The following COL26A1 variants were observed in gnomAD, a reference collection of about 807,000 sequenced individuals.
COL26A1 encodes collagen type XXVI alpha 1 chain.
A neutral mutation model predicts 59.3 loss-of-function variants in COL26A1; 41 were observed. That is an observed-to-expected ratio of 0.69 (90% CI 0.54 to 0.90). The LOEUF is 0.90. COL26A1 is among the 40% of genes least tolerant of loss of function. The pLI is 0.00. For synonymous variants in COL26A1, 266 were observed against 256.0 expected, an observed-to-expected ratio of 1.04 and a Z score of -0.37; for missense variants, 612 against 602.3, an observed-to-expected ratio of 1.02 and a Z score of -0.17.
intron 1 of COL26A1, among the ~76,000 whole-genome samples, chr7:101,403,629 C>T (rs535951362): frequency 1.2e-4 from 19 of 152,266 alleles, no homozygotes; most frequent in East Asian, 5.8e-4. Context: ...GCTCCTGCCT[C>T]GACCTCTCAA....
intron 1 of COL26A1, among the ~76,000 whole-genome samples, chr7:101,413,923 C>G (rs1792306992): frequency 6.6e-6 from 1 of 152,206 alleles, no homozygotes; most frequent in African/African-American, 2.4e-5. Flanking sequence ...ACTGTTCACC[C>G]ACTGCTGTGC....
intron 1 of COL26A1, among the ~76,000 whole-genome samples, chr7:101,387,608 A>T (rs1489479088): frequency 2.1e-5 from 3 of 143,798 alleles, no homozygotes; most frequent in Non-Finnish European, 4.5e-5. Context: ...GCTGGAGTGC[A>T]GTGTGAAGCA....
chr7:101,375,109 G>A (rs184904818), intron 1 of COL26A1, among the ~76,000 whole-genome samples: 2 of 152,076 alleles, frequency 1.3e-5, no homozygotes, highest in Admixed American at 1.3e-4. Context: ...AGGCTGTGAA[G>A]AGTAGGATCT....
At chr7:101,388,633 A>G (rs886104630) in intron 1 of COL26A1, among the ~76,000 whole-genome samples, 5 of 149,918 alleles carry the variant, frequency 3.3e-5, no homozygotes, top group African/African-American at 1.2e-4. Context: ...GCACGATCTC[A>G]GTTCACTGCA....
At position 101,539,823 on chromosome 7, in the gene COL26A1, C is replaced by T. The variant is rs1307146243; in HGVS notation, c.448-70C>T. 27 of 1,471,988 alleles carry T rather than the reference C, an allele frequency of 1.8e-5. No homozygotes were observed. In the East Asian group the frequency reaches 6.1e-4, roughly 33 times the overall value. The allele number at this position is 1,471,988 out of a possible 1,614,324, so 91.2% of individuals were successfully genotyped here. On this transcript the variant is annotated intron_variant, in intron 4 of 12. Transcript: ENST00000313669. Reference sequence around the variant, plus strand: ...GTCTCATGGGGTGCACATGCATGTCCCTGTGTGTCACGCATGTCCCTATGT... The same window carrying T: ...GTCTCATGGGGTGCACATGCATGTCTCTGTGTGTCACGCATGTCCCTATGT...
chr7:101,473,270 A>G (rs145389269), intron 3 of COL26A1, among the ~76,000 whole-genome samples: 2,091 of 151,240 alleles, frequency 0.014, 26 homozygotes, highest in Non-Finnish European at 0.02. Context: ...TAGTAGAGAC[A>G]GGGTTTCACC....
chr7:101,524,332 T>A (rs1408243492), intron 3 of COL26A1, among the ~76,000 whole-genome samples: 1 of 151,728 alleles, frequency 6.6e-6, no homozygotes, highest in African/African-American at 2.4e-5. Flanking sequence ...GTACTCCCCC[T>A]ACTGCTAAGG....
intron 1 of COL26A1, among the ~76,000 whole-genome samples, chr7:101,380,593 C>T (rs1791423181): frequency 6.6e-6 from 1 of 152,118 alleles, no homozygotes; most frequent in African/African-American, 2.4e-5. Context: ...TTACTTTACT[C>T]TATGGACTTG....
At chr7:101,392,185 C>T (rs376987542) in intron 1 of COL26A1, among the ~76,000 whole-genome samples, 24 of 152,092 alleles carry the variant, frequency 1.6e-4, no homozygotes, top group South Asian at 4.1e-4. Flanking sequence ...GGGGCTGGGC[C>T]GTGAGGGTGG....
At chr7:101,511,340 A>G (rs1469545127) in intron 3 of COL26A1, among the ~76,000 whole-genome samples, 1 of 152,218 alleles carries the variant, frequency 6.6e-6, no homozygotes, top group Admixed American at 6.5e-5. Flanking sequence ...GGGAAAGCAT[A>G]ACCCGCTGGA....
At chr7:101,507,007 C>T (rs746783914) in intron 3 of COL26A1, among the ~76,000 whole-genome samples, 14 of 151,974 alleles carry the variant, frequency 9.2e-5, no homozygotes, top group Non-Finnish European at 1.6e-4. Flanking sequence ...CTCCGCCTCC[C>T]GGGTTCAAGC....
chr7:101,387,870 A>G (rs1435664847), intron 1 of COL26A1, among the ~76,000 whole-genome samples: 1 of 149,448 alleles, frequency 6.7e-6, no homozygotes, highest in African/African-American at 2.5e-5. Context: ...CCTGGGTTCA[A>G]GCGATTCTCA....
intron 3 of COL26A1, among the ~76,000 whole-genome samples, chr7:101,519,701 G>T (rs79239955): frequency 1.3e-5 from 2 of 152,066 alleles, no homozygotes; most frequent in South Asian, 2.1e-4. Context: ...ATAGATCAGA[G>T]GCAGGGACCA....
intron 6 of COL26A1, among the ~76,000 whole-genome samples, chr7:101,544,856 G>A (rs879578145): frequency 2.0e-5 from 3 of 152,082 alleles, no homozygotes; most frequent in South Asian, 2.1e-4. Context: ...CAGGGGCTTC[G>A]GGTACAGGCA....
chr7:101,540,100 G>A, intron 5 of COL26A1, 51 bp downstream of exon 5: 1 of 1,553,828 alleles, frequency 6.4e-7, no homozygotes, highest in Non-Finnish European at 8.7e-7. Context: ...AGGGACCTTG[G>A]GCATGGCCTC....
intron 3 of COL26A1, among the ~76,000 whole-genome samples, chr7:101,458,630 T>C (rs996863107): frequency 6.7e-6 from 1 of 148,684 alleles, no homozygotes; most frequent in Non-Finnish European, 1.5e-5. Flanking sequence ...GCCTGGGCAA[T>C]GTGAGTGAAA....
intron 3 of COL26A1, among the ~76,000 whole-genome samples, chr7:101,469,407 AG>A (rs1793839682): frequency 6.6e-6 from 1 of 152,150 alleles, no homozygotes. Context: ...CAAGACCATA[AG>A]ACTGCTCCCA....
At position 101,489,689 on chromosome 7, in the gene COL26A1, CTT is replaced by C. The variant is rs1229848261; in HGVS notation, c.385+41904_385+41905del. Among the ~76,000 whole-genome samples the C allele has an allele frequency of 2.1e-3, 21 of 9,858 alleles. 4 individuals are homozygous for C. Among genetic ancestry groups the C allele is most frequent in the African/African-American group, 2.2e-3 (2 of 898 alleles). 6.5% of individuals were successfully genotyped at this position (9,858 alleles called of 152,430 possible). A position where few individuals can be genotyped will look rare whatever the true frequency, so the allele number is the denominator to read the frequency against. ...CCTTCCTTCCTTCCTTCCTTTCTTT[CTT>C]TCTTTCTGTCTTTCTTTCTTTCATT... is the stretch of plus-strand genomic sequence containing the variant. On this transcript the variant is annotated intron_variant, in intron 3 of 12. Coordinates refer to ENST00000313669, the MANE Select transcript of COL26A1 (RefSeq NM_001278563.3).
intron 3 of COL26A1, among the ~76,000 whole-genome samples, chr7:101,511,380 C>T (rs1295062599): frequency 6.6e-6 from 1 of 152,316 alleles, no homozygotes; most frequent in Non-Finnish European, 1.5e-5. Context: ...CTCCTGGATG[C>T]TCAATGTGAA....
Sources: gnomAD v4.1 joint callset for allele counts (sites outside exome capture counted in the v4.1 genomes callset) on GRCh38, gnomAD v4.1.1 for gene constraint, MANE v1.5 for transcripts, NCBI Gene and HGNC (gene_info 2026-07-23, HGNC 2026-07-21) for gene names.